GZMH: variants seen among roughly 807,000 people sequenced by gnomAD.
GZMH encodes the protein granzyme H, also known as cathepsin G-like 2, protein h-CCPX.
GZMH carries 24 observed loss-of-function variants against 20.7 expected under a neutral mutation model. The observed-to-expected ratio is 1.16, with a 90% CI of 0.84 to 1.63. The LOEUF (loss-of-function observed/expected upper bound fraction) is 1.63, where lower values mean the gene tolerates loss of function less well. Among genes scored for constraint, GZMH ranks in the 40% most tolerant of loss-of-function variants. The probability of loss-of-function intolerance (pLI) is 0.00; values close to 1 mark genes in which losing one functional copy is unlikely to be tolerated. For missense variants in GZMH, 344 were observed against 302.7 expected (o/e 1.14, Z -1.01); for synonymous variants, 119 against 116.1 (o/e 1.02, Z -0.16).
In GZMH at chr14:24,607,293, T is replaced by G; in HGVS notation, c.453A>C (p.Ser151=). The G allele has an allele frequency of 1.2e-6, 2 of 1,614,104 alleles. No homozygotes were observed. Among genetic ancestry groups the G allele is most frequent in the East Asian group, 2.2e-5 (1 of 44,884 alleles). Residue 151 remains serine, a synonymous_variant, in exon 4 of 5, where the codon TCA becomes TCC. Transcript: ENST00000216338. ...LCSVAGWGYV[S]MSTLATTLQE... ...GCAGTGTGGTTGCTAAAGTGCTCAT[T>G]GAGACATAACCCCAGCCAGCCACAC...
In GZMH at chr14:24,607,256, G is replaced by A. The variant is rs901976785; in HGVS notation, c.490C>T (p.Leu164=). The A allele has an allele frequency of 1.9e-6, 3 of 1,613,984 alleles. No individual in the cohort carries two copies. Among genetic ancestry groups the A allele is most frequent in the Non-Finnish European group, 2.5e-6 (3 of 1,180,020 alleles). Residue 164 remains leucine (L), a synonymous_variant, in exon 4 of 5, where the codon CTG becomes TTG. Coordinates refer to ENST00000216338, the MANE Select transcript of GZMH (RefSeq NM_033423.5). ...TLATTLQEVL[L]TVQKDCQCER... is the part of the protein sequence containing the mutation. Reference sequence around the variant, plus strand: ...CACTGGCAGTCCTTCTGCACTGTCAGCAACACTTCCTGCAGTGTGGTTGCT... The same window carrying A: ...CACTGGCAGTCCTTCTGCACTGTCAACAACACTTCCTGCAGTGTGGTTGCT...
At chr14:24,608,550 C>T in intron 1 of GZMH, 138 bp from the exon 2 acceptor site, 1 of 858,378 alleles carries the variant, frequency 1.2e-6, no homozygotes, top group South Asian at 1.6e-5. Context: ...GCTCTGCAGG[C>T]AGTACTCCTT....
chr14:24,607,499 A>T, intron 3 of GZMH, 93 bp from the exon 4 acceptor site: 1 of 1,594,176 alleles, frequency 6.3e-7, no homozygotes, highest in Non-Finnish European at 8.6e-7. Context: ...CTCTCCTCTA[A>T]GGCACAGGAA....
intron 4 of GZMH, 62 bp downstream of exon 4, chr14:24,607,087 C>T: frequency 6.5e-7 from 1 of 1,539,930 alleles, no homozygotes; most frequent in Non-Finnish European, 8.9e-7. Flanking sequence ...CTGTCATACC[C>T]CAGAACTCCC....
rs375558214 is a variant in GZMH at position 24,609,644 on chromosome 14, G to A, written c.-31C>T. 149 of 1,574,794 alleles carry A rather than the reference G, an allele frequency of 9.5e-5. No homozygotes were observed. The highest frequency in any genetic ancestry group is 1.3e-4 in the Non-Finnish European group (146 of 1,149,282). On this transcript the variant is annotated 5_prime_UTR_variant, in exon 1 of 5. Transcript: ENST00000216338. ...CAGGAAGGCTGCCCAGGTCAGAGCT[G>A]TTGGTGTTGACTCCTTCCAGAAACA...
At position 24,607,394 on chromosome 14, in the gene GZMH, C is replaced by T. The variant is rs2066878044; in HGVS notation, c.352G>A (p.Ala118Thr). Reference protein sequence around the residue: ...DIMLLQLERKAKWTTAVRPLR... With the variant: ...DIMLLQLERKTKWTTAVRPLR... ...GGCCGCACAGCTGTGGTCCACTTGG[C>T]CTTTCTCTCCAGCTGGTGGGGAAGA... is the stretch of plus-strand genomic sequence containing the variant. Residue 118 changes from alanine (A) to threonine (T), a missense_variant, in exon 4 of 5, where the codon GCC becomes ACC. By Grantham distance (58) the Ala-to-Thr change is moderately conservative. Coordinates refer to ENST00000216338, the MANE Select transcript of GZMH (RefSeq NM_033423.5). 6.3e-7 allele frequency: 1 copy of T among 1,595,734 alleles called. No homozygotes were observed. The highest frequency in any genetic ancestry group is 8.6e-7 in the Non-Finnish European group (1 of 1,167,536).
At chr14:24,607,025 A>T in intron 4 of GZMH, 124 bp downstream of exon 4, 3 of 1,027,876 alleles carry the variant, frequency 2.9e-6, no homozygotes, top group Non-Finnish European at 4.3e-6. Context: ...ACTAGATTCC[A>T]GGGGGACACA....
Position 24,609,634 on chromosome 14 carries a change from G to A in GZMH, c.-21C>T. On this transcript the variant is annotated 5_prime_UTR_variant, in exon 1 of 5. Transcript: ENST00000216338. ...TGCATTTTCTCAGGAAGGCTGCCCAGGTCAGAGCTGTTGGTGTTGACTCCT... is the reference window on the plus strand; with the variant it reads ...TGCATTTTCTCAGGAAGGCTGCCCAAGTCAGAGCTGTTGGTGTTGACTCCT... 1 of 1,600,942 alleles carries A rather than the reference G, an allele frequency of 6.2e-7. No individual in the cohort carries two copies. The highest frequency in any genetic ancestry group is 8.5e-7 in the Non-Finnish European group (1 of 1,170,508).
In GZMH at chr14:24,607,322, A is replaced by G; in HGVS notation, c.424T>C (p.Cys142Arg). 6.2e-7 allele frequency: 1 copy of G among 1,613,742 alleles called. No homozygotes were observed. The highest frequency in any genetic ancestry group is 8.5e-7 in the Non-Finnish European group (1 of 1,179,772). The change falls in exon 4 of 5, where the codon TGC (cysteine) becomes CGC (arginine). Residue 142 changes from cysteine (C) to arginine (R), a missense_variant. Physicochemically the swap from Cys to Arg is radical, Grantham distance 180. Transcript: ENST00000216338. ...ACATAACCCCAGCCAGCCACACTGCACAGCTGCCCTGGCTTCACCTGGGCC... is the reference window on the plus strand; with the variant it reads ...ACATAACCCCAGCCAGCCACACTGCGCAGCTGCCCTGGCTTCACCTGGGCC... ...SKAQVKPGQL[C>R]SVAGWGYVSM...
chr14:24,607,129 G>C lies in GZMH; in HGVS notation c.597+20C>G, dbSNP rs758058137. On this transcript the variant is annotated intron_variant, in intron 4 of 4. Transcript: ENST00000216338. ...TCCTCTCTCCCTGTGGTCTTTCTGG[G>C]TAGAGGCTGGAAACCCAACCTTGAA... The C allele has an allele frequency of 3.1e-6, 5 of 1,603,408 alleles. No individual in the cohort carries two copies. The African/African-American group carries it at 6.7e-5, about 21-fold the overall frequency.
At position 24,607,313 on chromosome 14, in the gene GZMH, C is replaced by T; in HGVS notation, c.433G>A (p.Ala145Thr). ...CTCATTGAGACATAACCCCAGCCAG[C>T]CACACTGCACAGCTGCCCTGGCTTC... is the stretch of plus-strand genomic sequence containing the variant. ...QVKPGQLCSV[A>T]GWGYVSMSTL... The change falls in exon 4 of 5, where the codon GCT becomes ACT. Residue 145 changes from alanine to threonine, a missense_variant. Coordinates refer to ENST00000216338, the MANE Select transcript of GZMH (RefSeq NM_033423.5). The T allele has an allele frequency of 6.2e-7, 1 of 1,613,896 alleles. No individual in the cohort carries two copies. Among genetic ancestry groups the T allele is most frequent in the African/African-American group, 1.3e-5 (1 of 75,062 alleles).
intron 1 of GZMH, 40 bp downstream of exon 1, chr14:24,609,519 A>C (rs370459990): frequency 2.1e-6 from 3 of 1,430,740 alleles, no homozygotes; most frequent in African/African-American, 2.8e-5. Context: ...GGTATCTTAT[A>C]AGATGGGTTC....
chr14:24,607,158 G>T lies in GZMH; in HGVS notation c.588C>A (p.Thr196=), dbSNP rs751202637. The change falls in exon 4 of 5, where the codon ACC becomes ACA. Residue 196 remains threonine, a synonymous_variant. Coordinates refer to ENST00000216338, the MANE Select transcript of GZMH (RefSeq NM_033423.5). ...ICVGDPKKTQ[T]GFKGDSGGPL... Reference sequence around the variant, plus strand: ...AGGCTGGAAACCCAACCTTGAAACCGGTCTGTGTCTTCTTTGGATCCCCCA... The same window carrying T: ...AGGCTGGAAACCCAACCTTGAAACCTGTCTGTGTCTTCTTTGGATCCCCCA... 6.2e-7 allele frequency: 1 copy of T among 1,612,336 alleles called. No individual in the cohort carries two copies. The highest frequency in any genetic ancestry group is 8.5e-7 in the Non-Finnish European group (1 of 1,178,764).
chr14:24,608,431 A>G lies in GZMH; in HGVS notation c.56-19T>C. On this transcript the variant is annotated intron_variant, in intron 1 of 4. Transcript: ENST00000216338. Reference sequence around the variant, plus strand: ...ATCTCCTCTGAAAGGAAAGACTGGAAGATAAAGTAGCTGGGGATGGCTGCA... The same window carrying G: ...ATCTCCTCTGAAAGGAAAGACTGGAGGATAAAGTAGCTGGGGATGGCTGCA... 6.2e-7 allele frequency: 1 copy of G among 1,613,704 alleles called. No individual in the cohort carries two copies. The highest frequency in any genetic ancestry group is 8.5e-7 in the Non-Finnish European group (1 of 1,179,740).
Position 24,606,993 on chromosome 14 carries a change from C to T in GZMH, c.597+156G>A, listed in dbSNP as rs540790250. On this transcript the variant is annotated intron_variant, in intron 4 of 4. Coordinates refer to ENST00000216338, the MANE Select transcript of GZMH (RefSeq NM_033423.5). ...ATCCTTCCCCTCCAGCCACCCCAGT[C>T]CACCCAAGGAGTGGACTAAAGACTA... is the stretch of plus-strand genomic sequence containing the variant. Among the ~76,000 whole-genome samples the T allele has an allele frequency of 2.0e-5, 3 of 152,310 alleles. No individual in the cohort carries two copies. The East Asian group carries it at 5.8e-4, about 29-fold the overall frequency.
Position 24,609,567 on chromosome 14 carries a change from GC to G in GZMH, c.46del (p.Ala16LeufsTer38), listed in dbSNP as rs767256838. On this transcript the variant is annotated frameshift_variant, in exon 1 of 5. Transcript: ENST00000216338. LOFTEE classifies it high-confidence loss of function. ...TAGGGATAGTCACTTACCTGTCCCA[GC>G]CCCAGGGGTCAGAAGAAAGGCCAAC... Reference protein sequence around the residue: ...LLLAFLLTPGAGTEEIIGGHE... With the variant: ...LLLAFLLTPGXGTEEIIGGHE... 1.1e-5 allele frequency: 18 copies of G among 1,607,812 alleles called. No individual in the cohort carries two copies. The East Asian group carries it at 3.8e-4, about 34-fold the overall frequency.
At position 24,609,674 on chromosome 14, in the gene GZMH, C is replaced by A; in HGVS notation, c.-61G>T. The stretch of plus-strand genomic sequence containing the variant: ...TGTTGACTCCTTCCAGAAACAAATG[C>A]TGGAGGGAGATGAAGGAGGGATGGG... On this transcript the variant is annotated 5_prime_UTR_variant, in exon 1 of 5. Coordinates refer to ENST00000216338, the MANE Select transcript of GZMH (RefSeq NM_033423.5). 1 of 1,270,742 alleles carries A rather than the reference C, an allele frequency of 7.9e-7. No homozygotes were observed. The highest frequency in any genetic ancestry group is 1.1e-6 in the Non-Finnish European group (1 of 881,440). The allele number at this position is 1,270,742 out of a possible 1,614,324, so 78.7% of individuals were successfully genotyped here. A position where few individuals can be genotyped will look rare whatever the true frequency, so the allele number is the denominator to read the frequency against.
intron 4 of GZMH, 44 bp from the exon 5 acceptor site, chr14:24,606,790 T>C (rs748104869): frequency 5.7e-6 from 9 of 1,581,360 alleles, no homozygotes; most frequent in Admixed American, 1.7e-5. Flanking sequence ...TTCCCTGGGA[T>C]GGGTGGTCTC....
In GZMH at chr14:24,609,630, C is replaced by T; in HGVS notation, c.-17G>A. ...TGGCTGCATTTTCTCAGGAAGGCTG[C>T]CCAGGTCAGAGCTGTTGGTGTTGAC... On this transcript the variant is annotated 5_prime_UTR_variant, in exon 1 of 5. Coordinates refer to ENST00000216338, the MANE Select transcript of GZMH (RefSeq NM_033423.5). 1 of 1,605,440 alleles carries T rather than the reference C, an allele frequency of 6.2e-7. No homozygotes were observed. The highest frequency in any genetic ancestry group is 8.5e-7 in the Non-Finnish European group (1 of 1,174,144).
Sources: gnomAD v4.1 joint callset for allele counts (sites outside exome capture counted in the v4.1 genomes callset) on GRCh38, gnomAD v4.1.1 for gene constraint, MANE v1.5 for transcripts, NCBI Gene and HGNC (gene_info 2026-07-23, HGNC 2026-07-21) for gene names.